The following TLN2 variants were observed in gnomAD, a reference collection of about 807,000 sequenced individuals.
TLN2 encodes talin-2.
In TLN2, 118 loss-of-function variants were observed where a neutral mutation model predicts 294.7. The ratio of observed to expected loss-of-function variants is 0.40; its 90% CI spans 0.34 to 0.47. TLN2 has a LOEUF of 0.47. Ranked by LOEUF, TLN2 falls within the 20% of genes least tolerant of loss-of-function variation. The pLI, the probability that TLN2 is intolerant of heterozygous loss-of-function variation, is 0.84. For missense variants in TLN2, 3,083 were observed against 3,282.2 expected (o/e 0.94, Z 1.48); for synonymous variants, 1,431 against 1,304.5 (o/e 1.10, Z -2.09).
At chr15:62,401,873 CAAG>C (rs2033049208) in intron 1 of TLN2, among the ~76,000 whole-genome samples, 1 of 152,154 alleles carries the variant, frequency 6.6e-6, no homozygotes, top group Non-Finnish European at 1.5e-5. Flanking sequence ...TGATTCTAGA[CAAG>C]GAGGATATTT....
At chr15:62,494,046 T>C (rs901738024) in intron 1 of TLN2, among the ~76,000 whole-genome samples, 14 of 152,264 alleles carry the variant, frequency 9.2e-5, no homozygotes, top group African/African-American at 3.4e-4. Flanking sequence ...GATTCTTTTA[T>C]TTTCAAGAAG....
At chr15:62,666,589 G>A (rs2054679568) in intron 9 of TLN2, among the ~76,000 whole-genome samples, 1 of 152,212 alleles carries the variant, frequency 6.6e-6, no homozygotes, top group Admixed American at 6.5e-5. Context: ...TTAAAAGACC[G>A]GTCATTACCC....
chr15:62,683,316 C>T (rs1352473488), intron 11 of TLN2, among the ~76,000 whole-genome samples: 1 of 152,228 alleles, frequency 6.6e-6, no homozygotes. Context: ...AGACAGCAGT[C>T]TTGATCACAG....
chr15:62,637,851 G>GGGTAA (rs1438465701), intron 3 of TLN2: 1 of 152,222 alleles, frequency 6.6e-6, no homozygotes, highest in African/African-American at 2.4e-5. Flanking sequence ...CTGGGCTGAC[G>GGGTAA]GGTAACGGAG....
At chr15:62,464,098 A>G (rs1449101267) in intron 1 of TLN2, among the ~76,000 whole-genome samples, 1 of 152,240 alleles carries the variant, frequency 6.6e-6, no homozygotes, top group East Asian at 1.9e-4. Flanking sequence ...ATTATAAATC[A>G]TGCTACTATG....
chr15:62,656,805 C>T (rs1441518211), intron 8 of TLN2, among the ~76,000 whole-genome samples: 1 of 152,126 alleles, frequency 6.6e-6, no homozygotes. Context: ...CTTATGTATT[C>T]AAGTATTACA....
intron 3 of TLN2, among the ~76,000 whole-genome samples, chr15:62,631,518 C>CCTTTCCTTTCCTTTCCT (rs1555451272): frequency 1.1e-4 from 10 of 89,676 alleles, no homozygotes; most frequent in Admixed American, 1.4e-4. Context: ...TTCTTTCTTT[C>CCTTTCCTTTCCTTTCCT]TTCCTTTCCT....
chr15:62,432,599 G>A (rs549176468), intron 1 of TLN2, among the ~76,000 whole-genome samples: 1 of 152,222 alleles, frequency 6.6e-6, no homozygotes, highest in South Asian at 2.1e-4. Flanking sequence ...AAGAACCGGA[G>A]GCATGCTAAT....
At chr15:62,700,051 G>A (rs1044061311) in intron 16 of TLN2, among the ~76,000 whole-genome samples, 1 of 152,192 alleles carries the variant, frequency 6.6e-6, no homozygotes, top group Admixed American at 6.5e-5. Context: ...TTGCACAGTT[G>A]TGTGCGTGGA....
intron 22 of TLN2, among the ~76,000 whole-genome samples, chr15:62,714,865 A>G (rs1348390363): frequency 6.6e-6 from 1 of 152,228 alleles, no homozygotes. Flanking sequence ...CTGAGCAAGG[A>G]CCCAAAGCAT....
At chr15:62,628,842 C>A (rs1421502190) in intron 3 of TLN2, among the ~76,000 whole-genome samples, 1 of 152,194 alleles carries the variant, frequency 6.6e-6, no homozygotes, top group Non-Finnish European at 1.5e-5. Flanking sequence ...GGAGACTTAA[C>A]CTATTTGACA....
Position 62,702,141 on chromosome 15 carries a change from A to G in TLN2, c.1846A>G (p.Arg616Gly), listed in dbSNP as rs768470206. Residue 616 changes from arginine (R) to glycine (G), a missense_variant, in exon 18 of 59, where the codon AGG becomes GGG. By Grantham distance (125) the Arg-to-Gly change is moderately radical. Transcript: ENST00000636159. ...GSGEDLLRAA[R>G]TLAGAVSDLL... ...CGGGGAGGACTTGCTCAGAGCTGCC[A>G]GGACCCTCGCTGGGGCGGTGTCAGA... is the stretch of plus-strand genomic sequence containing the variant. 1.0e-4 allele frequency: 169 copies of G among 1,613,530 alleles called. No homozygotes were observed. The highest frequency in any genetic ancestry group is 1.4e-4 in the Non-Finnish European group (169 of 1,179,862).
chr15:62,730,206 T>C (rs1237905294), intron 28 of TLN2, among the ~76,000 whole-genome samples: 1 of 151,914 alleles, frequency 6.6e-6, no homozygotes, highest in Non-Finnish European at 1.5e-5. Flanking sequence ...CACACCCAGC[T>C]AATTTTTGTA....
chr15:62,454,784 G>C lies in TLN2; in HGVS notation c.-238+64099G>C, dbSNP rs1251002712. Among the ~76,000 whole-genome samples the C allele has an allele frequency of 2.6e-5, 4 of 152,080 alleles. No individual in the cohort carries two copies. The East Asian group carries it at 7.7e-4, about 29-fold the overall frequency. ...CCTGGAACACTGGCTTCTTTCATTCGGCCCTTTAGAGGAGTGGCCCAGAGT... is the reference window on the plus strand; with the variant it reads ...CCTGGAACACTGGCTTCTTTCATTCCGCCCTTTAGAGGAGTGGCCCAGAGT... On this transcript the variant is annotated intron_variant, in intron 1 of 58. Transcript: ENST00000636159.
intron 25 of TLN2, 26 bp downstream of exon 25, chr15:62,719,906 C>T (rs371146627): frequency 2.9e-5 from 45 of 1,562,128 alleles, no homozygotes; most frequent in Non-Finnish European, 3.8e-5. Context: ...TCACCTTGGG[C>T]TCACTCAGAG....
chr15:62,692,796 A>G (rs1460023528), intron 12 of TLN2, 44 bp from the exon 13 acceptor site: 5 of 1,503,566 alleles, frequency 3.3e-6, no homozygotes, highest in African/African-American at 1.4e-5. Context: ...TAAAATGCTG[A>G]TATATCTGAT....
At chr15:62,421,453 G>A (rs992070584) in intron 1 of TLN2, among the ~76,000 whole-genome samples, 5 of 152,152 alleles carry the variant, frequency 3.3e-5, no homozygotes, top group Admixed American at 2.0e-4. Flanking sequence ...GGTTGTATAA[G>A]GAACTTAAAA....
At chr15:62,674,869 A>G (rs2055973394) in intron 10 of TLN2, among the ~76,000 whole-genome samples, 1 of 152,244 alleles carries the variant, frequency 6.6e-6, no homozygotes, top group South Asian at 2.1e-4. Flanking sequence ...TATCATTTAA[A>G]GTCTTGGCTC....
At position 62,809,941 on chromosome 15, in the gene TLN2, C is replaced by G; in HGVS notation, c.6680C>G (p.Pro2227Arg). Residue 2227 changes from proline to arginine, a missense_variant, in exon 52 of 59, where the codon CCC (proline) becomes CGC (arginine). Physicochemically the swap from Pro to Arg is moderately radical, Grantham distance 103. Transcript: ENST00000636159. ...TCTCTCCAGCAAGCATCCTTCCACCCCGATGTCAGTGACGAGGTGAGAACC... is the reference window on the plus strand; with the variant it reads ...TCTCTCCAGCAAGCATCCTTCCACCGCGATGTCAGTGACGAGGTGAGAACC... ...LTACKQASFH[P>R]DVSDEVRTRA... The G allele has an allele frequency of 6.2e-7, 1 of 1,614,052 alleles. No individual in the cohort carries two copies.
Sources: gnomAD v4.1 joint callset for allele counts (sites outside exome capture counted in the v4.1 genomes callset) on GRCh38, gnomAD v4.1.1 for gene constraint, MANE v1.5 for transcripts, NCBI Gene and HGNC (gene_info 2026-07-23, HGNC 2026-07-21) for gene names.